ZBBX: variants seen among roughly 807,000 people sequenced by gnomAD.
ZBBX encodes zinc finger B-box domain-containing protein 1.
Under a neutral mutation model 108.5 loss-of-function variants are expected in ZBBX, and 101 were observed. That is an observed-to-expected ratio of 0.93 (90% CI 0.79 to 1.10). ZBBX has a LOEUF of 1.10. Among genes scored for constraint, ZBBX ranks in the 50% least tolerant of loss-of-function variants. The pLI, the probability that ZBBX is intolerant of heterozygous loss-of-function variation, is 0.00. For synonymous variants in ZBBX, 356 were observed against 323.4 expected (o/e 1.10, Z -1.08); for missense variants, 1,009 against 941.4 (o/e 1.07, Z -0.94).
chr3:167,282,210 T>C lies in ZBBX; in HGVS notation c.2254+28A>G, dbSNP rs771381300. ...CTGAGGGCAGAGTTAATTAGCATTA[T>C]CTAAAGTGAAAAAAAAAATAGGATT... is the stretch of plus-strand genomic sequence containing the variant. On this transcript the variant is annotated intron_variant, in intron 20 of 21. Coordinates refer to ENST00000675490, the MANE Select transcript of ZBBX (RefSeq NM_001199201.2). The C allele has an allele frequency of 1.9e-6, 3 of 1,589,862 alleles. No individual in the cohort carries two copies. The East Asian group carries it at 6.7e-5, about 36-fold the overall frequency.
the ZBBX span, among the ~76,000 whole-genome samples, chr3:167,189,537 T>C: frequency 6.6e-6 from 1 of 152,176 alleles, no homozygotes; most frequent in Middle Eastern, 3.2e-3. Flanking sequence ...CAGATTCCCA[T>C]AAATTCCACA....
chr3:167,226,182 C>A, the ZBBX span, among the ~76,000 whole-genome samples: 4 of 151,438 alleles, frequency 2.6e-5, no homozygotes, highest in African/African-American at 9.7e-5. Flanking sequence ...AGAGTTAGAG[C>A]CAGATTTTCA....
the ZBBX span, among the ~76,000 whole-genome samples, chr3:167,199,034 C>A: frequency 6.6e-6 from 1 of 152,054 alleles, no homozygotes; most frequent in Admixed American, 6.5e-5. Context: ...AAAAACAAAT[C>A]ACTGAAATGA....
At chr3:167,189,671 A>G in the ZBBX span, among the ~76,000 whole-genome samples, 1 of 152,228 alleles carries the variant, frequency 6.6e-6, no homozygotes, top group Non-Finnish European at 1.5e-5. Flanking sequence ...TCACAGCAAA[A>G]TTTAGAGGAA....
At chr3:167,378,233 G>A (rs575937783) in intron 2 of ZBBX, among the ~76,000 whole-genome samples, 45 of 152,094 alleles carry the variant, frequency 3.0e-4, no homozygotes, top group Non-Finnish European at 5.9e-4. Flanking sequence ...AGCCAAACAA[G>A]ATATCTGATA....
chr3:167,252,185 A>G (rs1426227086), intron 20 of ZBBX: 49 of 1,289,580 alleles, frequency 3.8e-5, no homozygotes, highest in Admixed American at 9.2e-5. Context: ...TTTTTCATAG[A>G]ACTTAGAAAG....
intron 20 of ZBBX, among the ~76,000 whole-genome samples, chr3:167,281,283 G>A (rs527653951): frequency 6.6e-6 from 1 of 152,100 alleles, no homozygotes; most frequent in Non-Finnish European, 1.5e-5. Context: ...AGTAAAAAAT[G>A]ATTCTCACTA....
chr3:167,376,258 T>C (rs1474604648), intron 2 of ZBBX, among the ~76,000 whole-genome samples: 1 of 152,194 alleles, frequency 6.6e-6, no homozygotes, highest in African/African-American at 2.4e-5. Flanking sequence ...TTTTTGTAGG[T>C]AGTATATTTG....
chr3:167,290,931 A>G (rs1026409969), intron 18 of ZBBX, among the ~76,000 whole-genome samples: 3 of 152,186 alleles, frequency 2.0e-5, no homozygotes, highest in Non-Finnish European at 4.4e-5. Flanking sequence ...CAATAGCTGA[A>G]TAGATCAAGC....
At chr3:167,309,104 C>T (rs1225267223) in intron 16 of ZBBX, among the ~76,000 whole-genome samples, 7 of 152,192 alleles carry the variant, frequency 4.6e-5, no homozygotes, top group Non-Finnish European at 8.8e-5. Flanking sequence ...TTTTAATTTG[C>T]ATGTAATTAA....
At chr3:167,356,052 A>G (rs188875458) in intron 8 of ZBBX, among the ~76,000 whole-genome samples, 12 of 152,168 alleles carry the variant, frequency 7.9e-5, no homozygotes, top group Non-Finnish European at 1.5e-4. Flanking sequence ...ATACTGTTCA[A>G]GTTCCATGGC....
At chr3:167,279,586 T>G (rs569165953) in intron 20 of ZBBX, among the ~76,000 whole-genome samples, 6,790 of 149,930 alleles carry the variant, frequency 0.045, 421 homozygotes, top group African/African-American at 0.14. Context: ...CACTGCTCAA[T>G]GAAATAAAAG....
At chr3:167,290,924 T>TA (rs1730570854) in intron 18 of ZBBX, among the ~76,000 whole-genome samples, 1 of 151,990 alleles carries the variant, frequency 6.6e-6, no homozygotes, top group South Asian at 2.1e-4. Context: ...CAAGTGTCAA[T>TA]AGCTGAATAG....
At chr3:167,337,048 T>G (rs1444087700) in intron 9 of ZBBX, among the ~76,000 whole-genome samples, 1 of 152,176 alleles carries the variant, frequency 6.6e-6, no homozygotes, top group Non-Finnish European at 1.5e-5. Flanking sequence ...CAACCCAGAC[T>G]TGGTCACCAC....
chr3:167,405,106 A>G (rs1748544073), intron 1 of ZBBX, among the ~76,000 whole-genome samples: 2 of 152,238 alleles, frequency 1.3e-5, no homozygotes, highest in Non-Finnish European at 2.9e-5. Context: ...GAAGAAGCAC[A>G]TCTGAGAGGA....
chr3:167,183,460 G>A, the ZBBX span, among the ~76,000 whole-genome samples: 4 of 152,192 alleles, frequency 2.6e-5, no homozygotes, highest in South Asian at 2.1e-4. Context: ...CTAACCCAGC[G>A]GCGCTAGAGG....
intron 19 of ZBBX, among the ~76,000 whole-genome samples, chr3:167,283,729 T>C (rs1729216769): frequency 6.6e-6 from 1 of 152,096 alleles, no homozygotes; most frequent in Admixed American, 6.6e-5. Flanking sequence ...CACTGCAACC[T>C]TTGCCTCCCA....
At chr3:167,326,066 G>C (rs1051453517) in intron 11 of ZBBX, among the ~76,000 whole-genome samples, 1 of 152,042 alleles carries the variant, frequency 6.6e-6, no homozygotes, top group African/African-American at 2.4e-5. Flanking sequence ...TTATTTTAAG[G>C]TAAATATGTA....
upstream of ZBBX, among the ~76,000 whole-genome samples, chr3:167,382,840 T>C (rs1747794777): frequency 6.6e-6 from 1 of 152,154 alleles, no homozygotes; most frequent in Non-Finnish European, 1.5e-5. Context: ...ATATCATTTG[T>C]ATCTGGATAT....
Sources: gnomAD v4.1 joint callset for allele counts (sites outside exome capture counted in the v4.1 genomes callset) on GRCh38, gnomAD v4.1.1 for gene constraint, MANE v1.5 for transcripts, NCBI Gene and HGNC (gene_info 2026-07-23, HGNC 2026-07-21) for gene names.